The following GRIA1 variants were observed in gnomAD, a reference collection of about 807,000 sequenced individuals.
The protein encoded by GRIA1 is glutamate ionotropic receptor AMPA type subunit 1.
Under a neutral mutation model 99.2 loss-of-function variants are expected in GRIA1, and 31 were observed. The ratio of observed to expected loss-of-function variants is 0.31; its 90% CI spans 0.23 to 0.42. The LOEUF (loss-of-function observed/expected upper bound fraction) is 0.42, where lower values mean the gene tolerates loss of function less well. GRIA1 is among the 10% of genes least tolerant of loss of function. GRIA1 has a pLI of 1.00. For missense variants in GRIA1, 782 were observed against 1,157.5 expected (o/e 0.68, Z 4.71); for synonymous variants, 438 against 432.4 (o/e 1.01, Z -0.16).
intron 2 of GRIA1, among the ~76,000 whole-genome samples, chr5:153,615,656 GATAAA>G (rs1243259511): frequency 2.6e-5 from 4 of 151,984 alleles, no homozygotes. Flanking sequence ...AAAAATTGTT[GATAAA>G]ATAAAAAATA....
In GRIA1 at chr5:153,746,885, G is replaced by A. The variant is rs373486294; in HGVS notation, c.1824-17549G>A. ...CTTGAGACCTGAGAAGGTAAATCTC[G>A]AGAAAGGAGGGTGGTGACCCTGGTC... On this transcript the variant is annotated intron_variant, in intron 11 of 15. Coordinates refer to ENST00000285900, the MANE Select transcript of GRIA1 (RefSeq NM_000827.4). Among the ~76,000 whole-genome samples the A allele has an allele frequency of 1.9e-3, 287 of 152,272 alleles. 1 individual carries two copies. In the Middle Eastern group the frequency reaches 0.02, roughly 11 times the overall value.
intron 13 of GRIA1, among the ~76,000 whole-genome samples, chr5:153,779,307 T>G (rs1764483280): frequency 6.6e-6 from 1 of 152,222 alleles, no homozygotes; most frequent in Non-Finnish European, 1.5e-5. Flanking sequence ...ACCCTGACTC[T>G]GAAATCCTCA....
At chr5:153,602,481 G>T (rs1765065530) in intron 2 of GRIA1, among the ~76,000 whole-genome samples, 1 of 151,844 alleles carries the variant, frequency 6.6e-6, no homozygotes, top group Admixed American at 6.6e-5. Flanking sequence ...GTATACATAT[G>T]TAACTAACCT....
At chr5:153,669,028 G>A (rs1755957832) in intron 5 of GRIA1, among the ~76,000 whole-genome samples, 1 of 152,160 alleles carries the variant, frequency 6.6e-6, no homozygotes, top group Non-Finnish European at 1.5e-5. Context: ...CTTGCTGTGT[G>A]ATCTCAGGGA....
At position 153,493,992 on chromosome 5, in the gene GRIA1, C is replaced by T; in HGVS notation, c.147C>T (p.Leu49=). 1 of 1,614,006 alleles carries T rather than the reference C, an allele frequency of 6.2e-7. No homozygotes were observed. Among genetic ancestry groups the T allele is most frequent in the South Asian group, 1.1e-5 (1 of 91,084 alleles). Residue 49 remains leucine (L), a synonymous_variant, in exon 2 of 16, where the codon CTC becomes CTT. Coordinates refer to ENST00000285900, the MANE Select transcript of GRIA1 (RefSeq NM_000827.4). ...CTTTTAGATTTGCTTTGTCGCAACT[C>T]ACAGAGCCCCCGAAGCTGCTCCCCC... ...HAAFRFALSQ[L]TEPPKLLPQI... is the part of the protein sequence containing the mutation.
intron 2 of GRIA1, among the ~76,000 whole-genome samples, chr5:153,562,221 G>C (rs920396967): frequency 2.4e-4 from 36 of 152,196 alleles, no homozygotes; most frequent in African/African-American, 8.7e-4. Context: ...GTTAAGGGAA[G>C]TGTCATGAGC....
intron 9 of GRIA1, among the ~76,000 whole-genome samples, chr5:153,698,393 A>G (rs1758273058): frequency 6.6e-6 from 1 of 152,234 alleles, no homozygotes; most frequent in South Asian, 2.1e-4. Flanking sequence ...CTCTTGAGCC[A>G]GCTTTCCCAT....
Position 153,650,692 on chromosome 5 carries a change from A to G in GRIA1, c.645+178A>G, listed in dbSNP as rs540735820. 9.2e-5 allele frequency among the ~76,000 whole-genome samples: 14 copies of G among 152,106 alleles called. No homozygotes were observed. The South Asian group carries it at 2.9e-3, about 32-fold the overall frequency. On this transcript the variant is annotated intron_variant, in intron 4 of 15. Transcript: ENST00000285900. ...AAAATTTAATTCTGAAATAGCACAA[A>G]CAATGGGAGCCTTGACATAGGGCTT...
At chr5:153,560,896 A>G (rs716518) in intron 2 of GRIA1, among the ~76,000 whole-genome samples, 1,690 of 152,328 alleles carry the variant, frequency 0.011, 11 homozygotes, top group East Asian at 0.059. Context: ...TCCTACCTGT[A>G]TGGAAAGGAC....
intron 13 of GRIA1, among the ~76,000 whole-genome samples, chr5:153,771,736 C>T (rs574748868): frequency 6.6e-6 from 1 of 151,982 alleles, no homozygotes; most frequent in African/African-American, 2.4e-5. Flanking sequence ...TTCCTAGGAT[C>T]AAAAAGAAAA....
At chr5:153,528,103 T>C (rs957486550) in intron 2 of GRIA1, among the ~76,000 whole-genome samples, 1 of 152,170 alleles carries the variant, frequency 6.6e-6, no homozygotes, top group Non-Finnish European at 1.5e-5. Flanking sequence ...AAAATGTGTA[T>C]GTTATTATTG....
intron 13 of GRIA1, among the ~76,000 whole-genome samples, chr5:153,788,927 G>A (rs1245343089): frequency 6.6e-6 from 1 of 152,138 alleles, no homozygotes; most frequent in African/African-American, 2.4e-5. Context: ...TCTTAAGACA[G>A]CCAATTCCAT....
At chr5:153,785,614 G>GA (rs1764923010) in intron 13 of GRIA1, among the ~76,000 whole-genome samples, 2 of 152,176 alleles carry the variant, frequency 1.3e-5, no homozygotes, top group African/African-American at 4.8e-5. Context: ...TCCATGTCCT[G>GA]AAAACTCACT....
At chr5:153,722,355 C>G (rs6866103) in intron 11 of GRIA1, among the ~76,000 whole-genome samples, 80,772 of 151,846 alleles carry the variant, frequency 0.53, 22,346 homozygotes, top group East Asian at 0.94. Flanking sequence ...TTTCTTTATG[C>G]CTAGTACTTT....
intron 11 of GRIA1, among the ~76,000 whole-genome samples, chr5:153,747,990 T>G (rs1762267110): frequency 6.6e-6 from 1 of 152,266 alleles, no homozygotes; most frequent in African/African-American, 2.4e-5. Flanking sequence ...GTATGTTCAC[T>G]GAGCACCTAT....
Position 153,686,325 on chromosome 5 carries a change from G to T in GRIA1, c.1130G>T (p.Arg377Leu), listed in dbSNP as rs545946719. 1 of 1,610,692 alleles carries T rather than the reference G, an allele frequency of 6.2e-7. No individual in the cohort carries two copies. Among genetic ancestry groups the T allele is most frequent in the South Asian group, 1.1e-5 (1 of 90,984 alleles). Residue 377 changes from arginine (R) to leucine (L), a missense_variant, in exon 8 of 16, where the codon CGA (arginine) becomes CTA (leucine). By Grantham distance (102) the Arg-to-Leu change is moderately radical (BLOSUM62 -2). This residue lies in a region of GRIA1 where 461 missense variants were observed against 521.7 expected (regional missense o/e 0.88). Transcript: ENST00000285900. ...ATTGAAATGAAACATGACGGCATCC[G>T]AAAGGTAAGGTCCCCCTTTACTTCT... Reference protein sequence around the residue: ...HVIEMKHDGIRKIGYWNEDDK... With the variant: ...HVIEMKHDGILKIGYWNEDDK...
chr5:153,556,656 T>A (rs1448389345), intron 2 of GRIA1, among the ~76,000 whole-genome samples: 1 of 152,164 alleles, frequency 6.6e-6, no homozygotes, highest in Non-Finnish European at 1.5e-5. Flanking sequence ...AATAAGCAGG[T>A]GTGTTCTAGA....
At position 153,811,468 on chromosome 5, in the gene GRIA1, C is replaced by CT. The variant is rs1766816099; in HGVS notation, c.*244dup. The stretch of plus-strand genomic sequence containing the variant: ...GTGAGGATGAAAAAATAACACTGTA[C>CT]TGCAATAAGGGGAGAGTAACCCTGT... On this transcript the variant is annotated 3_prime_UTR_variant, in exon 16 of 16. Transcript: ENST00000285900. 2.1e-6 allele frequency: 1 copy of CT among 471,812 alleles called. No individual in the cohort carries two copies. The highest frequency in any genetic ancestry group is 3.9e-6 in the Non-Finnish European group (1 of 256,334). The allele number at this position is 471,812 out of a possible 1,614,324, so 29.2% of individuals were successfully genotyped here. A position where few individuals can be genotyped will look rare whatever the true frequency, so the allele number is the denominator to read the frequency against.
At chr5:153,579,066 T>C (rs1035103862) in intron 2 of GRIA1, among the ~76,000 whole-genome samples, 3 of 152,186 alleles carry the variant, frequency 2.0e-5, no homozygotes, top group Admixed American at 6.5e-5. Context: ...TTGCTCCAAG[T>C]TGTGCTTGAT....
Sources: gnomAD v4.1 joint callset for allele counts (sites outside exome capture counted in the v4.1 genomes callset) on GRCh38, gnomAD v4.1.1 for gene constraint, gnomAD v4.1.1 regional missense constraint, MANE v1.5 for transcripts, NCBI Gene and HGNC (gene_info 2026-07-23, HGNC 2026-07-21) for gene names.